Variants in SDK1 observed in about 807,000 individuals in gnomAD.
SDK1 encodes the protein sidekick cell adhesion molecule 1.
Under a neutral mutation model 245.5 loss-of-function variants are expected in SDK1, and 157 were observed. That is an observed-to-expected ratio of 0.64 (90% CI 0.56 to 0.73). The LOEUF (loss-of-function observed/expected upper bound fraction) is 0.73, where lower values mean the gene tolerates loss of function less well. Among genes scored for constraint, SDK1 ranks in the 30% least tolerant of loss-of-function variants. The pLI is 0.00. For missense variants in SDK1, 3,583 were observed against 3,002.3 expected, an observed-to-expected ratio of 1.19 and a Z score of -4.52; for synonymous variants, 1,647 against 1,278.5, an observed-to-expected ratio of 1.29 and a Z score of -6.15.
At chr7:3,708,980 T>G (rs1206945074) in intron 4 of SDK1, among the ~76,000 whole-genome samples, 1 of 152,216 alleles carries the variant, frequency 6.6e-6, no homozygotes, top group African/African-American at 2.4e-5. Context: ...AGCCATCATG[T>G]TAATTGTTGC....
At chr7:3,904,734 C>A (rs1229172136) in intron 5 of SDK1, among the ~76,000 whole-genome samples, 1 of 151,850 alleles carries the variant, frequency 6.6e-6, no homozygotes, top group Non-Finnish European at 1.5e-5. Context: ...TGGCTCACGC[C>A]TGTAATCCCA....
chr7:3,481,734 T>G (rs1007551613), intron 1 of SDK1, among the ~76,000 whole-genome samples: 2 of 152,216 alleles, frequency 1.3e-5, no homozygotes, highest in Non-Finnish European at 2.9e-5. Context: ...CCTGCTCTTA[T>G]GCCTTAAGGC....
chr7:3,895,762 C>G (rs1336737507), intron 5 of SDK1, among the ~76,000 whole-genome samples: 1 of 152,172 alleles, frequency 6.6e-6, no homozygotes, highest in African/African-American at 2.4e-5. Flanking sequence ...AGGCTCATCT[C>G]CCCATTTTTA....
intron 23 of SDK1, among the ~76,000 whole-genome samples, chr7:4,111,080 G>A (rs143475368): frequency 6.6e-6 from 1 of 152,280 alleles, no homozygotes; most frequent in African/African-American, 2.4e-5. Context: ...CAGCAGAGAT[G>A]TGGCACTTTA....
At chr7:4,225,631 C>A (rs1785392345) in intron 40 of SDK1, among the ~76,000 whole-genome samples, 1 of 152,208 alleles carries the variant, frequency 6.6e-6, no homozygotes, top group Non-Finnish European at 1.5e-5. Context: ...CCCAGGGAGC[C>A]TGGCAGGCCG....
chr7:3,399,788 G>A (rs925777964), intron 1 of SDK1, among the ~76,000 whole-genome samples: 2 of 152,044 alleles, frequency 1.3e-5, no homozygotes, highest in Admixed American at 6.6e-5. Flanking sequence ...TCTTTCCTCG[G>A]CTTGTATATG....
At chr7:4,220,371 G>T in intron 39 of SDK1, 101 bp downstream of exon 39, 1 of 1,321,076 alleles carries the variant, frequency 7.6e-7, no homozygotes, top group East Asian at 2.4e-5. Context: ...ACAAGGTGAT[G>T]TTGGCGGCCA....
intron 5 of SDK1, among the ~76,000 whole-genome samples, chr7:3,941,710 C>T (rs1014700279): frequency 6.6e-6 from 1 of 152,190 alleles, no homozygotes; most frequent in Non-Finnish European, 1.5e-5. Flanking sequence ...TGTGCTTGCT[C>T]TGTTCATGTG....
chr7:3,514,859 C>CGCGTGCAT (rs535602737), intron 1 of SDK1, among the ~76,000 whole-genome samples: 2 of 152,186 alleles, frequency 1.3e-5, no homozygotes, highest in African/African-American at 2.4e-5. Flanking sequence ...TGCCCCATCA[C>CGCGTGCAT]GCGTGCATGC....
In SDK1 at chr7:4,265,813, G is replaced by A. The variant is rs564690220; in HGVS notation, c.*429G>A. 8.0e-6 allele frequency: 8 copies of A among 1,001,078 alleles called. No homozygotes were observed. In the East Asian group the frequency reaches 8.7e-4, roughly 109 times the overall value. The allele number at this position is 1,001,078 out of a possible 1,614,324, so 62.0% of individuals were successfully genotyped here. A position where few individuals can be genotyped will look rare whatever the true frequency, so the allele number is the denominator to read the frequency against. ...CCGTCTCTTTCTACCTCCTCTTCCA[G>A]AGAACCAGCGGCTCACACCCTTCTC... is the stretch of plus-strand genomic sequence containing the variant. On this transcript the variant is annotated 3_prime_UTR_variant, in exon 45 of 45. Transcript: ENST00000404826.
chr7:3,906,132 G>A (rs1211371590), intron 5 of SDK1, among the ~76,000 whole-genome samples: 2 of 151,760 alleles, frequency 1.3e-5, no homozygotes, highest in African/African-American at 4.8e-5. Context: ...CTTTAGCTTT[G>A]TCTTACCTGA....
intron 38 of SDK1, among the ~76,000 whole-genome samples, chr7:4,216,970 GCCACCCGGAGCACCACA>G (rs1384919776): frequency 3.8e-4 from 57 of 149,800 alleles, no homozygotes; most frequent in African/African-American, 9.3e-4. Context: ...AGAGCACCAG[GCCACCCGGAGCACCACA>G]CCACCCGGAG....
At chr7:3,671,610 A>G (rs1783702665) in intron 4 of SDK1, among the ~76,000 whole-genome samples, 1 of 152,242 alleles carries the variant, frequency 6.6e-6, no homozygotes, top group African/African-American at 2.4e-5. Flanking sequence ...GTCAATAGAA[A>G]AAAATCCAAG....
At chr7:4,020,035 C>G (rs887872734) in intron 17 of SDK1, among the ~76,000 whole-genome samples, 3 of 152,090 alleles carry the variant, frequency 2.0e-5, no homozygotes, top group African/African-American at 7.2e-5. Context: ...TCATGTCATG[C>G]TTTTCTTCCA....
chr7:3,708,991 C>A (rs1784959833), intron 4 of SDK1, among the ~76,000 whole-genome samples: 1 of 152,136 alleles, frequency 6.6e-6, no homozygotes, highest in African/African-American at 2.4e-5. Flanking sequence ...TAATTGTTGC[C>A]TAGATACTTT....
chr7:4,160,676 C>T (rs1412273640), intron 31 of SDK1, among the ~76,000 whole-genome samples: 1 of 152,178 alleles, frequency 6.6e-6, no homozygotes, highest in African/African-American at 2.4e-5. Flanking sequence ...CACAACCTCA[C>T]AACTCAAGGA....
intron 2 of SDK1, among the ~76,000 whole-genome samples, chr7:3,633,959 C>A (rs1782379040): frequency 1.3e-5 from 2 of 152,094 alleles, no homozygotes; most frequent in Admixed American, 6.5e-5. Flanking sequence ...CTCCCCTACT[C>A]CCCTGGACTA....
At chr7:4,036,886 A>G (rs965853216) in intron 17 of SDK1, among the ~76,000 whole-genome samples, 3 of 152,156 alleles carry the variant, frequency 2.0e-5, no homozygotes, top group Non-Finnish European at 4.4e-5. Context: ...ACAGTCTATG[A>G]TATTTTTGTT....
chr7:3,646,309 A>C (rs1449275450), intron 4 of SDK1, among the ~76,000 whole-genome samples: 2 of 149,242 alleles, frequency 1.3e-5, no homozygotes, highest in African/African-American at 5.0e-5. Flanking sequence ...TTAGGCTTAT[A>C]ATTAAATGAT....
Sources: allele counts gnomAD v4.1 joint callset (sites outside exome capture counted in the v4.1 genomes callset), GRCh38; gene constraint gnomAD v4.1.1; transcripts MANE v1.5; gene names NCBI Gene and HGNC (gene_info 2026-07-23, HGNC 2026-07-21).